Variants in PBX1 observed in about 807,000 individuals in gnomAD.
PBX1 encodes PBX homeobox 1.
Under a neutral mutation model 53.4 loss-of-function variants are expected in PBX1, and 6 were observed. The observed-to-expected ratio is 0.11, with a 90% confidence interval of 0.06 to 0.22. The LOEUF is 0.22. Among genes scored for constraint, PBX1 ranks in the 10% least tolerant of loss-of-function variants. PBX1 has a pLI of 1.00. For missense variants in PBX1, 251 were observed against 551.4 expected (o/e 0.46, Z 5.46); for synonymous variants, 204 against 212.3 (o/e 0.96, Z 0.34).
intron 2 of PBX1, among the ~76,000 whole-genome samples, chr1:164,697,539 T>C (rs564634335): frequency 6.6e-6 from 1 of 152,316 alleles, no homozygotes; most frequent in African/African-American, 2.4e-5. Flanking sequence ...AAACAAAAAC[T>C]GTGTTTACCT....
At chr1:164,638,126 G>A (rs778096063) in intron 2 of PBX1, among the ~76,000 whole-genome samples, 3 of 152,230 alleles carry the variant, frequency 2.0e-5, no homozygotes, top group Non-Finnish European at 2.9e-5. Context: ...TGCTATGGCT[G>A]TGTGTGTATG....
At chr1:164,828,467 G>A (rs1178787320) in intron 8 of PBX1, 1 of 152,182 alleles carries the variant, frequency 6.6e-6, no homozygotes, top group African/African-American at 2.4e-5. Context: ...ATGCAAGATT[G>A]TGTTTTGGGG....
chr1:164,801,841 C>T (rs971141717), intron 4 of PBX1, among the ~76,000 whole-genome samples: 1 of 152,198 alleles, frequency 6.6e-6, no homozygotes, highest in Admixed American at 6.5e-5. Flanking sequence ...AACATGACCC[C>T]AAATTCCAGC....
intron 2 of PBX1, among the ~76,000 whole-genome samples, chr1:164,760,599 C>T (rs1666760244): frequency 6.6e-6 from 1 of 152,198 alleles, no homozygotes; most frequent in South Asian, 2.1e-4. Flanking sequence ...AATTTTACAA[C>T]TTTCTTTTCT....
intron 2 of PBX1, among the ~76,000 whole-genome samples, chr1:164,660,857 A>G (rs1660448031): frequency 6.6e-6 from 1 of 152,182 alleles, no homozygotes; most frequent in African/African-American, 2.4e-5. Context: ...TCAGACTACT[A>G]ATTCTCTTTC....
intron 2 of PBX1, among the ~76,000 whole-genome samples, chr1:164,659,867 A>G (rs1037226157): frequency 3.9e-5 from 6 of 152,172 alleles, no homozygotes; most frequent in African/African-American, 1.2e-4. Flanking sequence ...TCTGTCTCCT[A>G]ACAGGCTTCC....
chr1:164,852,232 T>C (rs940635982), downstream of PBX1, among the ~76,000 whole-genome samples: 2 of 152,166 alleles, frequency 1.3e-5, no homozygotes, highest in African/African-American at 4.8e-5. Context: ...ATAAGAAAAA[T>C]TGTGGTTCCC....
At chr1:164,854,029 C>G (rs1255415861), downstream of PBX1, among the ~76,000 whole-genome samples, 1 of 151,652 alleles carries the variant, frequency 6.6e-6, no homozygotes, top group African/African-American at 2.4e-5. Flanking sequence ...CCTCAGCCTC[C>G]CAAGTAGTTT....
At chr1:164,606,383 A>C (rs1353633773) in intron 2 of PBX1, among the ~76,000 whole-genome samples, 1 of 152,146 alleles carries the variant, frequency 6.6e-6, no homozygotes, top group East Asian at 1.9e-4. Flanking sequence ...CCAGCTCCTC[A>C]GGAGGCTGAG....
chr1:164,845,070 G>A (rs1671501868), intron 8 of PBX1, among the ~76,000 whole-genome samples: 1 of 152,094 alleles, frequency 6.6e-6, no homozygotes, highest in African/African-American at 2.4e-5. Context: ...ATCCAGATCT[G>A]CTTTTCAGTG....
At chr1:164,609,293 A>G (rs1656752119) in intron 2 of PBX1, among the ~76,000 whole-genome samples, 1 of 152,056 alleles carries the variant, frequency 6.6e-6, no homozygotes, top group South Asian at 2.1e-4. Flanking sequence ...GGGACACAAA[A>G]TTGAGCGTGC....
At chr1:164,836,155 G>A (rs544023139) in intron 8 of PBX1, among the ~76,000 whole-genome samples, 1 of 152,240 alleles carries the variant, frequency 6.6e-6, no homozygotes, top group South Asian at 2.1e-4. Context: ...TATTTTGAGT[G>A]ACTAGATGTT....
chr1:164,741,093 C>T (rs907005114), intron 2 of PBX1, among the ~76,000 whole-genome samples: 30 of 152,168 alleles, frequency 2.0e-4, no homozygotes, highest in African/African-American at 6.5e-4. Context: ...TAGGATTAAT[C>T]GTTTTGCCTA....
chr1:164,858,439 C>T (rs931369961), intron 2 of PBX1, among the ~76,000 whole-genome samples: 1 of 127,322 alleles, frequency 7.9e-6, no homozygotes, highest in Non-Finnish European at 1.7e-5. Flanking sequence ...TCACCACCCC[C>T]AGAGCCAGCA....
intron 2 of PBX1, among the ~76,000 whole-genome samples, chr1:164,753,650 T>G (rs765152897): frequency 2.0e-5 from 3 of 152,234 alleles, no homozygotes; most frequent in Non-Finnish European, 4.4e-5. Flanking sequence ...TGCGTGGTTT[T>G]GACCTTTGAT....
At chr1:164,634,999 A>G (rs1022732211) in intron 2 of PBX1, among the ~76,000 whole-genome samples, 2 of 150,034 alleles carry the variant, frequency 1.3e-5, no homozygotes, top group Admixed American at 1.3e-4. Context: ...AGTTAACTCT[A>G]AGGCTGCGAA....
At chr1:164,648,067 G>A (rs1045617129) in intron 2 of PBX1, among the ~76,000 whole-genome samples, 27 of 151,940 alleles carry the variant, frequency 1.8e-4, no homozygotes, top group Admixed American at 1.5e-3. Flanking sequence ...TGCCCATCTC[G>A]GTCTCCCAAA....
intron 2 of PBX1, among the ~76,000 whole-genome samples, chr1:164,582,073 A>G (rs1010845477): frequency 6.6e-6 from 1 of 152,252 alleles, no homozygotes; most frequent in African/African-American, 2.4e-5. Flanking sequence ...AAATGAGGAA[A>G]TTAGAAGAAA....
At chr1:164,828,692 G>A (rs1201640820) in intron 8 of PBX1, 1 of 151,516 alleles carries the variant, frequency 6.6e-6, no homozygotes, top group Admixed American at 6.6e-5. Flanking sequence ...TTTTTTTATG[G>A]TTGCTCCTGA....
Sources: gnomAD v4.1 joint callset for allele counts (sites outside exome capture counted in the v4.1 genomes callset) on GRCh38, gnomAD v4.1.1 for gene constraint, MANE v1.5 for transcripts, NCBI Gene and HGNC (gene_info 2026-07-23, HGNC 2026-07-21) for gene names.